SPECC1: variants seen among roughly 807,000 people sequenced by gnomAD.
SPECC1 encodes sperm antigen with calponin homology and coiled-coil domains 1, also known as cytospin-B.
Under a neutral mutation model 104.1 loss-of-function variants are expected in SPECC1, and 62 were observed. That is an observed-to-expected ratio of 0.60 (90% confidence interval 0.49 to 0.74). SPECC1 has a LOEUF of 0.74. SPECC1 is among the 30% of genes least tolerant of loss of function. The probability of loss-of-function intolerance (pLI) is 0.00; values close to 1 mark genes in which losing one functional copy is unlikely to be tolerated. For synonymous variants in SPECC1, 513 were observed against 501.6 expected (o/e 1.02, Z -0.30); for missense variants, 1,306 against 1,310.5 (o/e 1.00, Z 0.05).
chr17:20,189,347 A>G (rs752758613), intron 3 of SPECC1, among the ~76,000 whole-genome samples: 5 of 152,330 alleles, frequency 3.3e-5, no homozygotes, highest in Admixed American at 6.5e-5. Context: ...AAGGCGCAGT[A>G]TGCAGAGAGA....
intron 10 of SPECC1, among the ~76,000 whole-genome samples, chr17:20,253,924 C>A (rs1316297286): frequency 2.0e-5 from 3 of 152,020 alleles, no homozygotes; most frequent in African/African-American, 7.3e-5. Flanking sequence ...GCCTCGGCCT[C>A]CCACAGTGCT....
intron 1 of SPECC1, among the ~76,000 whole-genome samples, chr17:20,044,358 C>T (rs1356930111): frequency 6.6e-6 from 1 of 152,162 alleles, no homozygotes; most frequent in Admixed American, 6.5e-5. Flanking sequence ...ACTTTGTAAT[C>T]TGTATATAGC....
At chr17:20,290,790 A>G (rs2041138424) in intron 12 of SPECC1, among the ~76,000 whole-genome samples, 1 of 152,106 alleles carries the variant, frequency 6.6e-6, no homozygotes. Flanking sequence ...GTTCTGGGCC[A>G]CCACTCTGAG....
At chr17:20,183,350 G>A (rs2035039947) in intron 3 of SPECC1, among the ~76,000 whole-genome samples, 1 of 152,160 alleles carries the variant, frequency 6.6e-6, no homozygotes, top group Non-Finnish European at 1.5e-5. Flanking sequence ...AGGAATCCAG[G>A]AATTCTGTCT....
chr17:20,291,068 C>A (rs1025977712), intron 12 of SPECC1, among the ~76,000 whole-genome samples: 3 of 152,170 alleles, frequency 2.0e-5, no homozygotes, highest in Non-Finnish European at 4.4e-5. Context: ...AGAAGGAGAA[C>A]CTGGCCCGTT....
At chr17:20,216,247 C>T (rs1294736535) in intron 4 of SPECC1, among the ~76,000 whole-genome samples, 2 of 152,068 alleles carry the variant, frequency 1.3e-5, no homozygotes, top group Non-Finnish European at 2.9e-5. Context: ...TTAATATCTG[C>T]AGTCGGGGAG....
chr17:20,031,840 T>G (rs2044827971), intron 1 of SPECC1, among the ~76,000 whole-genome samples: 1 of 152,214 alleles, frequency 6.6e-6, no homozygotes, highest in South Asian at 2.1e-4. Flanking sequence ...AGAATTTCAT[T>G]CCTTTTTAAT....
intron 2 of SPECC1, among the ~76,000 whole-genome samples, chr17:20,102,724 G>A (rs192440729): frequency 6.6e-6 from 1 of 152,204 alleles, no homozygotes; most frequent in Non-Finnish European, 1.5e-5. Context: ...ATGTTCTATT[G>A]TACTCTCTGG....
At chr17:20,032,892 CTGTATATA>C (rs1166836287) in intron 1 of SPECC1, among the ~76,000 whole-genome samples, 3 of 151,406 alleles carry the variant, frequency 2.0e-5, no homozygotes, top group East Asian at 1.9e-4. Flanking sequence ...ATATGTGTGT[CTGTATATA>C]TGTATATATG....
chr17:20,053,731 C>T (rs867665672), intron 1 of SPECC1, among the ~76,000 whole-genome samples: 9 of 152,324 alleles, frequency 5.9e-5, no homozygotes, highest in African/African-American at 1.7e-4. Flanking sequence ...GTGGACCCTC[C>T]GGCCCCAGTT....
chr17:20,289,717 C>T (rs2041093331), intron 12 of SPECC1, among the ~76,000 whole-genome samples: 1 of 152,170 alleles, frequency 6.6e-6, no homozygotes, highest in Admixed American at 6.5e-5. Flanking sequence ...CTGGGAGTTG[C>T]TGGTGCTCCT....
chr17:20,062,341 A>G (rs2046217451), intron 1 of SPECC1, among the ~76,000 whole-genome samples: 2 of 152,026 alleles, frequency 1.3e-5, no homozygotes, highest in Admixed American at 6.6e-5. Context: ...AACGCTTAAC[A>G]TTTCCATCCA....
At chr17:20,150,942 G>A (rs1256768679) in intron 3 of SPECC1, among the ~76,000 whole-genome samples, 1 of 151,926 alleles carries the variant, frequency 6.6e-6, no homozygotes, top group Non-Finnish European at 1.5e-5. Flanking sequence ...ATAAAAATGG[G>A]ACCACATATA....
chr17:20,237,015 T>A (rs1364706595), intron 7 of SPECC1: 17 of 1,548,714 alleles, frequency 1.1e-5, no homozygotes, highest in Non-Finnish European at 1.3e-5. Flanking sequence ...CCTTGTGACA[T>A]TCTCTGTTTC....
At chr17:20,164,216 C>T (rs1197254635) in intron 3 of SPECC1, among the ~76,000 whole-genome samples, 1 of 150,448 alleles carries the variant, frequency 6.6e-6, no homozygotes, top group African/African-American at 2.5e-5. Flanking sequence ...CTCTGTTGGC[C>T]AGGCTGGAGT....
At chr17:20,100,379 G>A (rs1405220499) in intron 2 of SPECC1, among the ~76,000 whole-genome samples, 2 of 152,158 alleles carry the variant, frequency 1.3e-5, no homozygotes, top group East Asian at 3.8e-4. Flanking sequence ...AGAGGAAATG[G>A]TGGTGGACAA....
intron 3 of SPECC1, among the ~76,000 whole-genome samples, chr17:20,146,828 C>T (rs902246546): frequency 6.6e-6 from 1 of 152,066 alleles, no homozygotes; most frequent in African/African-American, 2.4e-5. Flanking sequence ...ATTGCTTGAA[C>T]CCAGGAGGTG....
chr17:20,139,287 C>T (rs1190867816), intron 3 of SPECC1, among the ~76,000 whole-genome samples: 1 of 152,178 alleles, frequency 6.6e-6, no homozygotes, highest in African/African-American at 2.4e-5. Context: ...CCAACTTGCC[C>T]GTTGTACTCC....
At chr17:20,115,914 A>C (rs1338505534) in intron 3 of SPECC1, among the ~76,000 whole-genome samples, 2 of 152,364 alleles carry the variant, frequency 1.3e-5, no homozygotes, top group Non-Finnish European at 2.9e-5. Context: ...GAAGTACATA[A>C]ATATTGGAAA....
Sources: gnomAD v4.1 joint callset for allele counts (sites outside exome capture counted in the v4.1 genomes callset) on GRCh38, gnomAD v4.1.1 for gene constraint, MANE v1.5 for transcripts, NCBI Gene and HGNC (gene_info 2026-07-23, HGNC 2026-07-21) for gene names.